Variants in UMODL1 observed in about 807,000 individuals in gnomAD.
UMODL1 encodes uromodulin-like 1.
UMODL1 carries 128 observed loss-of-function variants against 136.3 expected under a neutral mutation model. The observed-to-expected ratio is 0.94, with a 90% confidence interval of 0.81 to 1.09. The LOEUF is 1.09. Among genes scored for constraint, UMODL1 ranks in the 50% least tolerant of loss-of-function variants. The probability of loss-of-function intolerance (pLI) is 0.00; values close to 1 mark genes in which losing one functional copy is unlikely to be tolerated. For synonymous variants in UMODL1, 721 were observed against 720.0 expected (o/e 1.00, Z -0.02); for missense variants, 1,766 against 1,725.6 (o/e 1.02, Z -0.41).
intron 8 of UMODL1, chr21:42,103,253 T>A: frequency 4.6e-6 from 1 of 219,710 alleles, no homozygotes; most frequent in South Asian, 7.7e-5. Flanking sequence ...CACAGAGTGT[T>A]GCTTCCCAAC....
chr21:42,126,168 G>A (rs566984697), intron 17 of UMODL1, among the ~76,000 whole-genome samples, 177 bp from the exon 18 acceptor site: 2 of 152,318 alleles, frequency 1.3e-5, no homozygotes, highest in East Asian at 1.9e-4. Context: ...AGCAGAGGCC[G>A]AGCCCTTAGG....
intron 8 of UMODL1, chr21:42,103,434 G>C (rs1288198056): frequency 2.9e-6 from 1 of 349,014 alleles, no homozygotes; most frequent in South Asian, 2.2e-5. Context: ...CTGTGTGCGT[G>C]TTTTGTGTGG....
chr21:42,115,900 G>C lies in UMODL1; in HGVS notation c.2390G>C (p.Arg797Thr), dbSNP rs905636806. ...GCCCGGAAGCTCATTGGAAAGGTCAGAATCAAAAATGTCAGGTACTCAGAA... is the reference window on the plus strand; with the variant it reads ...GCCCGGAAGCTCATTGGAAAGGTCACAATCAAAAATGTCAGGTACTCAGAA... ...TAARKLIGKV[R>T]IKNVRYSESF... is the part of the protein sequence containing the mutation. Residue 797 changes from arginine to threonine, a missense_variant, in exon 14 of 23, where the codon AGA becomes ACA. Arg to Thr is a moderately conservative substitution (Grantham distance 71, BLOSUM62 -1). Coordinates refer to ENST00000408910, the MANE Select transcript of UMODL1 (RefSeq NM_001004416.3). 1.2e-6 allele frequency: 2 copies of C among 1,614,034 alleles called. No homozygotes were observed. Among genetic ancestry groups the C allele is most frequent in the Admixed American group, 3.3e-5 (2 of 60,012 alleles).
At chr21:42,095,112 T>TTTTTTTTTTTTTTTTTTG (rs1601205271) in intron 6 of UMODL1, among the ~76,000 whole-genome samples, 1 of 144,372 alleles carries the variant, frequency 6.9e-6, no homozygotes, top group African/African-American at 2.6e-5. Flanking sequence ...TTTTTTTTTT[T>TTTTTTTTTTTTTTTTTTG]GAGACAGGGT....
chr21:42,127,886 ACGGTT>A (rs2067083072), intron 20 of UMODL1, 55 bp downstream of exon 20: 1 of 1,605,088 alleles, frequency 6.2e-7, no homozygotes, highest in South Asian at 1.1e-5. Context: ...CCTTATTGTT[ACGGTT>A]CGAGGCTCTG....
In UMODL1 at chr21:42,108,135, G is replaced by A. The variant is rs79497839; in HGVS notation, c.1520-1427G>A. On this transcript the variant is annotated intron_variant, in intron 9 of 22. Transcript: ENST00000408910. The stretch of plus-strand genomic sequence containing the variant: ...TCGCTTGGGAGCTGTCTGGGGGGAC[G>A]GAGGAGTGAAGATTAGGTGAATCAC... Among the ~76,000 whole-genome samples, 129 of 152,322 alleles carry A rather than the reference G, an allele frequency of 8.5e-4. 1 individual carries two copies. Among genetic ancestry groups the A allele is most frequent in the South Asian group, 2.7e-3 (13 of 4,822 alleles).
intron 22 of UMODL1, among the ~76,000 whole-genome samples, chr21:42,140,236 G>A (rs982109633): frequency 9.9e-5 from 15 of 152,102 alleles, no homozygotes; most frequent in Admixed American, 2.6e-4. Context: ...CAACATCCCC[G>A]TGAGGTTGTG....
At position 42,085,589 on chromosome 21, in the gene UMODL1, A is replaced by G. The variant is rs956494533; in HGVS notation, c.603+177A>G. 16 of 913,180 alleles carry G rather than the reference A, an allele frequency of 1.8e-5. No homozygotes were observed. Among genetic ancestry groups the G allele is most frequent in the Non-Finnish European group, 2.6e-5 (16 of 610,096 alleles). 56.6% of individuals were successfully genotyped at this position (913,180 alleles called of 1,614,324 possible). ...CTTAAAAAATCAGCTTCAAAGAGGT[A>G]TGATTTACATGCAACAAAATGCACA... On this transcript the variant is annotated intron_variant, in intron 4 of 22. Coordinates refer to ENST00000408910, the MANE Select transcript of UMODL1 (RefSeq NM_001004416.3). The surrounding 1 kb of genome is among the most constrained non-coding windows in gnomAD (Gnocchi z 4.5).
chr21:42,077,749 T>C (rs2124341), intron 2 of UMODL1, among the ~76,000 whole-genome samples: 9,754 of 152,144 alleles, frequency 0.064, 368 homozygotes, highest in African/African-American at 0.097. Context: ...CTGGCTCTCT[T>C]AGCTAAGGGA....
intron 6 of UMODL1, among the ~76,000 whole-genome samples, chr21:42,095,877 AG>A (rs2066551806): frequency 6.6e-6 from 1 of 152,234 alleles, no homozygotes; most frequent in African/African-American, 2.4e-5. Context: ...CACAGTACCC[AG>A]GAAACATTAC....
chr21:42,074,662 T>G (rs1034965037), intron 1 of UMODL1, among the ~76,000 whole-genome samples: 1 of 152,172 alleles, frequency 6.6e-6, no homozygotes, highest in African/African-American at 2.4e-5. Flanking sequence ...GTAAACCTGA[T>G]GCTTGTCCTG....
chr21:42,129,056 A>G (rs2123373166), intron 20 of UMODL1, among the ~76,000 whole-genome samples: 1 of 149,618 alleles, frequency 6.7e-6, no homozygotes, highest in East Asian at 2.0e-4. Context: ...GGTAGACGGC[A>G]TTTGCCCTGT....
rs975705085 is a variant in UMODL1, at chr21:42,142,345, A to T, written c.*271A>T. 1 of 152,334 alleles carries T rather than the reference A, an allele frequency of 6.6e-6. No homozygotes were observed. Among genetic ancestry groups the T allele is most frequent in the African/African-American group, 2.4e-5 (1 of 41,466 alleles). 9.4% of individuals were successfully genotyped at this position (152,334 alleles called of 1,614,324 possible). ...TAGAGGAGCCACAGCCCAGGGGCAG[A>T]TGAAGGGGCTGCGGAAGACGGGGGC... On this transcript the variant is annotated 3_prime_UTR_variant, in exon 23 of 23. Transcript: ENST00000408910.
At chr21:42,101,098 C>CT (rs1330121780) in intron 7 of UMODL1, among the ~76,000 whole-genome samples, 7 of 151,280 alleles carry the variant, frequency 4.6e-5, no homozygotes, top group Non-Finnish European at 8.8e-5. Flanking sequence ...TAAAAATGCC[C>CT]TTTTTTTGTA....
At chr21:42,090,201 G>T (rs147895100) in intron 5 of UMODL1, 97 bp from the exon 6 acceptor site, 1 of 1,540,828 alleles carries the variant, frequency 6.5e-7, no homozygotes, top group Non-Finnish European at 8.8e-7. Flanking sequence ...GCACAAATCC[G>T]TGGCACGAGT....
In UMODL1 at chr21:42,122,669, G is replaced by GTA. The variant is rs1248714782; in HGVS notation, c.2828-161_2828-160insAT. 4.3e-5 allele frequency among the ~76,000 whole-genome samples: 6 copies of GTA among 138,282 alleles called. No individual in the cohort carries two copies. Among genetic ancestry groups the GTA allele is most frequent in the African/African-American group, 1.8e-4 (6 of 34,002 alleles). The allele number at this position is 138,282 out of a possible 152,430, so 90.7% of individuals were successfully genotyped here. On this transcript the variant is annotated intron_variant, in intron 16 of 22. Coordinates refer to ENST00000408910, the MANE Select transcript of UMODL1 (RefSeq NM_001004416.3). This position sits in a 1 kb window ranked among gnomAD's most constrained non-coding sequence, Gnocchi z 4.3. ...TGTGTGTGCATATGTGTGCGTGTGT[G>GTA]TGTGTGTGTGTGCACGTGTGTAGTT...
At chr21:42,126,231 G>A in intron 17 of UMODL1, 114 bp from the exon 18 acceptor site, 5 of 1,466,106 alleles carry the variant, frequency 3.4e-6, no homozygotes, top group Non-Finnish European at 4.6e-6. Context: ...TGCTGCTGGG[G>A]AGAGGCTTTA....
chr21:42,123,165 G>T lies in UMODL1; in HGVS notation c.3147+15G>T. 1 of 1,600,492 alleles carries T rather than the reference G, an allele frequency of 6.2e-7. No homozygotes were observed. The highest frequency in any genetic ancestry group is 8.5e-7 in the Non-Finnish European group (1 of 1,171,254). On this transcript the variant is annotated intron_variant, in intron 17 of 22. Coordinates refer to ENST00000408910, the MANE Select transcript of UMODL1 (RefSeq NM_001004416.3). This position sits in a 1 kb window ranked among gnomAD's most constrained non-coding sequence, Gnocchi z 4.4. The stretch of plus-strand genomic sequence containing the variant: ...TCATGCAGAGCGTAAGACCAGGAGA[G>T]CCAGGCTCAGGATGTACACTAGGGC...
intron 21 of UMODL1, among the ~76,000 whole-genome samples, chr21:42,134,452 G>A (rs574971231): frequency 3.3e-5 from 5 of 152,278 alleles, no homozygotes; most frequent in Non-Finnish European, 7.3e-5. Flanking sequence ...AGTGTCCAGG[G>A]AGTGCTCAAT....
Sources: gnomAD v4.1 joint callset for allele counts (sites outside exome capture counted in the v4.1 genomes callset) on GRCh38, gnomAD v4.1.1 for gene constraint, Gnocchi (gnomAD v3.1) non-coding constraint, MANE v1.5 for transcripts, NCBI Gene and HGNC (gene_info 2026-07-23, HGNC 2026-07-21) for gene names.